The following IL1RAPL2 variants were observed in gnomAD, a reference collection of about 807,000 sequenced individuals.
The protein encoded by IL1RAPL2 is X-linked interleukin-1 receptor accessory protein-like 2.
IL1RAPL2 carries 3 observed loss-of-function variants against 44.1 expected under a neutral mutation model. That is an observed-to-expected ratio of 0.07 (90% CI 0.03 to 0.18). IL1RAPL2 has a LOEUF of 0.18. Ranked by LOEUF, IL1RAPL2 falls within the 10% of genes least tolerant of loss-of-function variation. The probability of loss-of-function intolerance (pLI) is 1.00; values close to 1 mark genes in which losing one functional copy is unlikely to be tolerated. For missense variants in IL1RAPL2, 391 were observed against 496.4 expected, an observed-to-expected ratio of 0.79 and a Z score of 2.02; for synonymous variants, 181 against 178.8, an observed-to-expected ratio of 1.01 and a Z score of -0.10.
intron 5 of IL1RAPL2, among the ~76,000 whole-genome samples, chrX:105,420,313 C>T (rs1179720851): frequency 8.9e-6 from 1 of 112,228 alleles, no homozygotes; most frequent in Admixed American, 9.4e-5. Context: ...TAATTCAACT[C>T]CTTACTCAAT....
intron 5 of IL1RAPL2, among the ~76,000 whole-genome samples, chrX:105,337,112 C>T (rs904808399): frequency 8.9e-6 from 1 of 112,122 alleles, no homozygotes; most frequent in Non-Finnish European, 1.9e-5. Context: ...CATATACTCT[C>T]GAGTTCACCA....
At chrX:104,894,611 T>A (rs1043097261) in intron 2 of IL1RAPL2, among the ~76,000 whole-genome samples, 1 of 112,444 alleles carries the variant, frequency 8.9e-6, no homozygotes, top group African/African-American at 3.2e-5. Flanking sequence ...ATCATGTAGT[T>A]CTTGTGCCAT....
At chrX:105,031,843 A>T (rs894918922) in intron 2 of IL1RAPL2, among the ~76,000 whole-genome samples, 2 of 111,396 alleles carry the variant, frequency 1.8e-5, no homozygotes, top group African/African-American at 6.5e-5. Context: ...TGGGCTTTGA[A>T]TCCATCTGGT....
intron 6 of IL1RAPL2, among the ~76,000 whole-genome samples, chrX:105,568,243 T>A (rs1394097384): frequency 9.0e-6 from 1 of 111,675 alleles, no homozygotes; most frequent in Non-Finnish European, 1.9e-5. Context: ...TGAGTGGTGA[T>A]ACTGCTCTTC....
chrX:105,086,129 C>A lies in IL1RAPL2; in HGVS notation c.83-109346C>A, dbSNP rs2032476195. 1.8e-5 allele frequency among the ~76,000 whole-genome samples: 2 copies of A among 111,363 alleles called. 1 individual carries two copies. Among genetic ancestry groups the A allele is most frequent in the Non-Finnish European group, 3.8e-5 (2 of 53,137 alleles). Reference sequence around the variant, plus strand: ...ACAGTATTTACAAAGGACATGAAATCAGTATGTCAAAGAGATATCTGCACT... The same window carrying A: ...ACAGTATTTACAAAGGACATGAAATAAGTATGTCAAAGAGATATCTGCACT... On this transcript the variant is annotated intron_variant, in intron 2 of 10. Coordinates refer to ENST00000372582, the MANE Select transcript of IL1RAPL2 (RefSeq NM_017416.2).
At chrX:104,638,474 A>G (rs1207422791) in intron 1 of IL1RAPL2, among the ~76,000 whole-genome samples, 11 of 111,369 alleles carry the variant, frequency 9.9e-5, no homozygotes, top group Non-Finnish European at 2.1e-4. Context: ...AAAGCTTTCT[A>G]CTTTTTCAGT....
intron 2 of IL1RAPL2, among the ~76,000 whole-genome samples, chrX:104,902,070 A>G (rs1408621677): frequency 8.9e-6 from 1 of 111,974 alleles, no homozygotes; most frequent in Non-Finnish European, 1.9e-5. Flanking sequence ...TTCTATCAGC[A>G]GATTCTAGAC....
chrX:104,881,175 T>G (rs1476843631), intron 2 of IL1RAPL2, among the ~76,000 whole-genome samples: 1 of 111,421 alleles, frequency 9.0e-6, no homozygotes, highest in Non-Finnish European at 1.9e-5. Context: ...AGAGTGAAAA[T>G]GTTAATTTTG....
intron 2 of IL1RAPL2, among the ~76,000 whole-genome samples, chrX:104,920,685 C>A (rs1319531447): frequency 1.9e-5 from 2 of 107,865 alleles, no homozygotes; most frequent in African/African-American, 6.8e-5. Flanking sequence ...AATTAAAACT[C>A]TTTTCTTTAA....
chrX:105,738,261 C>T (rs1264156041), intron 7 of IL1RAPL2, among the ~76,000 whole-genome samples: 1 of 112,171 alleles, frequency 8.9e-6, no homozygotes, highest in African/African-American at 3.2e-5. Context: ...TTTCAAATCA[C>T]TTTAACCCAT....
intron 1 of IL1RAPL2, among the ~76,000 whole-genome samples, chrX:104,651,076 G>A (rs1930144402): frequency 8.9e-6 from 1 of 111,998 alleles, no homozygotes; most frequent in African/African-American, 3.2e-5. Context: ...TCATCATAAA[G>A]TATAATCATT....
chrX:105,312,243 T>C (rs1467481855), intron 5 of IL1RAPL2, among the ~76,000 whole-genome samples: 1 of 111,774 alleles, frequency 8.9e-6, no homozygotes, highest in Non-Finnish European at 1.9e-5. Context: ...TAATAAAACA[T>C]GAAATAAAAA....
rs140406165 is a variant in IL1RAPL2 at position 105,144,483 on chromosome X, G to A, written c.83-50992G>A. Among the ~76,000 whole-genome samples the A allele has an allele frequency of 2.2e-4, 24 of 111,092 alleles. No individual in the cohort carries two copies. In the East Asian group the frequency reaches 5.7e-3, roughly 27 times the overall value. On this transcript the variant is annotated intron_variant, in intron 2 of 10. Coordinates refer to ENST00000372582, the MANE Select transcript of IL1RAPL2 (RefSeq NM_017416.2). ...TGCTTAAACCCTTCAGTGACTCCCT[G>A]TTGTTTACATGATAAAAGTGTAGCT...
At position 104,730,669 on chromosome X, in the gene IL1RAPL2, G is replaced by A. The variant is rs1053975134; in HGVS notation, c.82+71674G>A. ...CCAAGTCTTTGCTATTGTGAATAGTGTCGCAATAAACATACGTGTGCATGT... is the reference window on the plus strand; with the variant it reads ...CCAAGTCTTTGCTATTGTGAATAGTATCGCAATAAACATACGTGTGCATGT... On this transcript the variant is annotated intron_variant, in intron 2 of 10. Coordinates refer to ENST00000372582, the MANE Select transcript of IL1RAPL2 (RefSeq NM_017416.2). Among the ~76,000 whole-genome samples, 19 of 105,859 alleles carry A rather than the reference G, an allele frequency of 1.8e-4. 1 individual carries two copies. Among genetic ancestry groups the A allele is most frequent in the African/African-American group, 6.4e-4 (19 of 29,798 alleles). The allele number at this position is 105,859 out of a possible 115,157, so 91.9% of individuals were successfully genotyped here.
chrX:105,120,507 A>G (rs965590721), intron 2 of IL1RAPL2, among the ~76,000 whole-genome samples: 3 of 111,198 alleles, frequency 2.7e-5, no homozygotes, highest in African/African-American at 9.8e-5. Context: ...CAAAACTGGT[A>G]TGTATGTGAT....
intron 2 of IL1RAPL2, among the ~76,000 whole-genome samples, chrX:104,918,149 T>C (rs1049959401): frequency 8.9e-6 from 1 of 112,298 alleles, no homozygotes; most frequent in African/African-American, 3.2e-5. Context: ...ACGTTTGCAA[T>C]TATCTAACAC....
Position 105,423,787 on chromosome X carries a change from G to A in IL1RAPL2, c.698-60526G>A, listed in dbSNP as rs757898296. On this transcript the variant is annotated intron_variant, in intron 5 of 10. Coordinates refer to ENST00000372582, the MANE Select transcript of IL1RAPL2 (RefSeq NM_017416.2). Reference sequence around the variant, plus strand: ...CAAACTCATCTTCCCTACTGGGAGCGAACTCAAACTCCATAAAGGAGTTAC... The same window carrying A: ...CAAACTCATCTTCCCTACTGGGAGCAAACTCAAACTCCATAAAGGAGTTAC... Among the ~76,000 whole-genome samples, 6 of 108,476 alleles carry A rather than the reference G, an allele frequency of 5.5e-5. No homozygotes were observed. The South Asian group carries it at 1.2e-3, about 22-fold the overall frequency. 94.2% of individuals were successfully genotyped at this position (108,476 alleles called of 115,157 possible).
chrX:104,876,468 A>T (rs1602774630), intron 2 of IL1RAPL2, among the ~76,000 whole-genome samples: 1 of 111,531 alleles, frequency 9.0e-6, no homozygotes, highest in East Asian at 2.8e-4. Context: ...ACTTAACAAA[A>T]TCAAAATGTT....
At chrX:104,968,018 A>G (rs1172031399) in intron 2 of IL1RAPL2, among the ~76,000 whole-genome samples, 2 of 111,833 alleles carry the variant, frequency 1.8e-5, no homozygotes, top group Non-Finnish European at 3.8e-5. Context: ...CCCAAAAGAT[A>G]AAAACATATA....
Sources: gnomAD v4.1 joint callset for allele counts (sites outside exome capture counted in the v4.1 genomes callset) on GRCh38, gnomAD v4.1.1 for gene constraint, MANE v1.5 for transcripts, NCBI Gene and HGNC (gene_info 2026-07-23, HGNC 2026-07-21) for gene names.